Variants in CTNNA2 observed in about 807,000 individuals in gnomAD.
CTNNA2 encodes the protein catenin alpha 2.
Under a neutral mutation model 101.0 loss-of-function variants are expected in CTNNA2, and 42 were observed. The observed-to-expected ratio is 0.42, with a 90% CI of 0.32 to 0.54. CTNNA2 has a LOEUF of 0.54. Among genes scored for constraint, CTNNA2 ranks in the 20% least tolerant of loss-of-function variants. The pLI, the probability that CTNNA2 is intolerant of heterozygous loss-of-function variation, is 0.14. For missense variants in CTNNA2, 871 were observed against 1,223.1 expected (o/e 0.71, Z 4.29); for synonymous variants, 450 against 456.4 (o/e 0.99, Z 0.18).
intron 7 of CTNNA2, among the ~76,000 whole-genome samples, chr2:80,109,416 G>A (rs930310084): frequency 3.3e-5 from 5 of 152,094 alleles, no homozygotes; most frequent in Non-Finnish European, 5.9e-5. Flanking sequence ...AGCGGAGATT[G>A]CACCACTGCA....
intron 7 of CTNNA2, among the ~76,000 whole-genome samples, chr2:80,244,637 A>G (rs1048254408): frequency 2.0e-5 from 3 of 152,220 alleles, no homozygotes; most frequent in Non-Finnish European, 2.9e-5. Flanking sequence ...AGGTTAGTGC[A>G]AAAGTAATTG....
At chr2:80,300,958 A>T (rs1346021192) in intron 7 of CTNNA2, among the ~76,000 whole-genome samples, 2 of 152,118 alleles carry the variant, frequency 1.3e-5, no homozygotes, top group Non-Finnish European at 2.9e-5. Context: ...AGAAAAAAAA[A>T]AAAGGGAAAG....
intron 4 of CTNNA2, among the ~76,000 whole-genome samples, chr2:79,486,542 C>T (rs914849131): frequency 6.6e-6 from 1 of 152,132 alleles, no homozygotes; most frequent in South Asian, 2.1e-4. Flanking sequence ...CATACGTGGG[C>T]ATGTGTCTTT....
rs761945812 is a variant in CTNNA2 at position 80,110,051 on chromosome 2, ATAG to A, written c.1056+200256_1056+200258del. Among the ~76,000 whole-genome samples, 12 of 152,318 alleles carry A rather than the reference ATAG, an allele frequency of 7.9e-5. No individual in the cohort carries two copies. The East Asian group carries it at 1.2e-3, about 15-fold the overall frequency. Reference sequence around the variant, plus strand: ...CACAGTGTTGTCACTGAAAATTTGTATAGTTATCACTACATCATTCCAGCATAC... The same window carrying A: ...CACAGTGTTGTCACTGAAAATTTGTATTATCACTACATCATTCCAGCATAC... On this transcript the variant is annotated intron_variant, in intron 7 of 18. Coordinates refer to ENST00000402739, the MANE Select transcript of CTNNA2 (RefSeq NM_001282597.3).
chr2:80,309,699 T>G (rs139886634), intron 7 of CTNNA2, among the ~76,000 whole-genome samples: 1 of 150,354 alleles, frequency 6.7e-6, no homozygotes, highest in African/African-American at 2.4e-5. Context: ...CTATTTACAT[T>G]TTTTTTTGTT....
intron 6 of CTNNA2, among the ~76,000 whole-genome samples, chr2:79,890,132 A>C (rs1684197136): frequency 1.3e-5 from 2 of 152,192 alleles, no homozygotes; most frequent in African/African-American, 4.8e-5. Flanking sequence ...ATTAAATATG[A>C]GATTTCTTCT....
intron 9 of CTNNA2, among the ~76,000 whole-genome samples, chr2:80,528,341 C>T (rs996020645): frequency 6.6e-6 from 1 of 152,086 alleles, no homozygotes; most frequent in Non-Finnish European, 1.5e-5. Context: ...GGACTACAGG[C>T]ACTCACCACC....
chr2:79,220,894 G>T (rs528181152), intron 2 of CTNNA2, among the ~76,000 whole-genome samples: 1 of 152,032 alleles, frequency 6.6e-6, no homozygotes, highest in Non-Finnish European at 1.5e-5. Flanking sequence ...TTTCTCAATC[G>T]GAAGGGATCA....
intron 7 of CTNNA2, among the ~76,000 whole-genome samples, chr2:80,295,559 C>G (rs542418382): frequency 2.0e-5 from 3 of 152,322 alleles, no homozygotes; most frequent in East Asian, 1.9e-4. Context: ...AAGTGACACT[C>G]TCTTGAAAAC....
At chr2:79,998,149 C>T (rs543487277) in intron 7 of CTNNA2, among the ~76,000 whole-genome samples, 2 of 152,086 alleles carry the variant, frequency 1.3e-5, no homozygotes, top group Non-Finnish European at 2.9e-5. Context: ...AGGAAATGAA[C>T]CATTTTTAAT....
At chr2:79,774,873 C>A (rs1057489399) in intron 3 of CTNNA2, among the ~76,000 whole-genome samples, 5 of 152,200 alleles carry the variant, frequency 3.3e-5, no homozygotes, top group South Asian at 2.1e-4. Context: ...CATAGAGAAA[C>A]CTTTCTTCTG....
At chr2:80,342,136 G>T (rs1270930673) in intron 7 of CTNNA2, among the ~76,000 whole-genome samples, 1 of 152,150 alleles carries the variant, frequency 6.6e-6, no homozygotes, top group Non-Finnish European at 1.5e-5. Flanking sequence ...GAAATGATTG[G>T]TAATGGGTAA....
chr2:79,415,472 G>C (rs959241960), intron 4 of CTNNA2, among the ~76,000 whole-genome samples: 1 of 152,058 alleles, frequency 6.6e-6, no homozygotes, highest in Non-Finnish European at 1.5e-5. Flanking sequence ...TCCCAAAACT[G>C]ATTTGATCTT....
chr2:79,252,676 G>T (rs867597683), intron 2 of CTNNA2, among the ~76,000 whole-genome samples: 1 of 151,824 alleles, frequency 6.6e-6, no homozygotes, highest in South Asian at 2.1e-4. Context: ...CATAGAAACT[G>T]GCTGTAGATT....
At chr2:80,441,415 G>GTTTAACATATGCA (rs1682559647) in intron 9 of CTNNA2, among the ~76,000 whole-genome samples, 1 of 152,098 alleles carries the variant, frequency 6.6e-6, no homozygotes, top group African/African-American at 2.4e-5. Flanking sequence ...TGCAGTTTAA[G>GTTTAACATATGCA]GTCAACATAT....
In CTNNA2 at chr2:79,693,299, T is replaced by G. The variant is rs1347774236; in HGVS notation, c.102+41641T>G. Among the ~76,000 whole-genome samples the G allele has an allele frequency of 2.2e-5, 3 of 136,018 alleles. No homozygotes were observed. In the Admixed American group the frequency reaches 2.3e-4, roughly 11 times the overall value. 89.2% of individuals were successfully genotyped at this position (136,018 alleles called of 152,430 possible). On this transcript the variant is annotated intron_variant, in intron 2 of 18. Coordinates refer to ENST00000402739, the MANE Select transcript of CTNNA2 (RefSeq NM_001282597.3). ...TCTTTTAAGTTGGCAAAAATTTCAT[T>G]AAGATTTTTTATAACATTTTATTAT... is the stretch of plus-strand genomic sequence containing the variant.
intron 7 of CTNNA2, among the ~76,000 whole-genome samples, chr2:79,993,606 A>G (rs144247689): frequency 7.6e-5 from 8 of 105,404 alleles, no homozygotes; most frequent in Non-Finnish European, 1.5e-4. Flanking sequence ...TGGCACTGTT[A>G]GGGGAGGGAT....
rs1558788197 is a variant in CTNNA2, at chr2:80,079,885, T to TAAAATAAAATAAAATAAAATAAAATAAA, written c.1056+170101_1056+170102insATAAAATAAAATAAAAAAATAAAATAAA. 2.1e-4 allele frequency among the ~76,000 whole-genome samples: 27 copies of TAAAATAAAATAAAATAAAATAAAATAAA among 127,562 alleles called. 1 individual carries two copies. The highest frequency in any genetic ancestry group is 4.0e-4 in the African/African-American group (12 of 29,890). The allele number at this position is 127,562 out of a possible 152,430, so 83.7% of individuals were successfully genotyped here. A position where few individuals can be genotyped will look rare whatever the true frequency, so the allele number is the denominator to read the frequency against. On this transcript the variant is annotated intron_variant, in intron 7 of 18. Coordinates refer to ENST00000402739, the MANE Select transcript of CTNNA2 (RefSeq NM_001282597.3). ...AATAAAATAAAATAAAATAAAATAA[T>TAAAATAAAATAAAATAAAATAAAATAAA]AAAATAAAATAAATAAAATAAAATA... is the stretch of plus-strand genomic sequence containing the variant.
At chr2:80,402,391 T>C (rs2149381354) in intron 8 of CTNNA2, among the ~76,000 whole-genome samples, 1 of 152,284 alleles carries the variant, frequency 6.6e-6, no homozygotes, top group South Asian at 2.1e-4. Flanking sequence ...CTCTCACCTC[T>C]CTGGAGGTTG....
Sources: allele counts gnomAD v4.1 joint callset (sites outside exome capture counted in the v4.1 genomes callset), GRCh38; gene constraint gnomAD v4.1.1; transcripts MANE v1.5; gene names NCBI Gene and HGNC (gene_info 2026-07-23, HGNC 2026-07-21).